EEFSEC: variants seen among roughly 807,000 people sequenced by gnomAD.
EEFSEC encodes the protein eukaryotic elongation factor, selenocysteine-tRNA specific, also known as selenocysteine-specific elongation factor.
Under a neutral mutation model 42.1 loss-of-function variants are expected in EEFSEC, and 43 were observed. The observed-to-expected ratio is 1.02, with a 90% CI of 0.80 to 1.32. EEFSEC has a LOEUF of 1.32. Among genes scored for constraint, EEFSEC ranks in the 40% most tolerant of loss-of-function variants. The pLI, the probability that EEFSEC is intolerant of heterozygous loss-of-function variation, is 0.00. For synonymous variants in EEFSEC, 354 were observed against 339.1 expected, an observed-to-expected ratio of 1.04 and a Z score of -0.48; for missense variants, 745 against 803.6, an observed-to-expected ratio of 0.93 and a Z score of 0.88.
chr3:128,189,039 G>T (rs1340991219), intron 1 of EEFSEC, among the ~76,000 whole-genome samples: 1 of 152,134 alleles, frequency 6.6e-6, no homozygotes, highest in Admixed American at 6.5e-5. Context: ...TACATGGGGG[G>T]GGCTCCCAAA....
chr3:128,420,907 G>A, the EEFSEC span, among the ~76,000 whole-genome samples: 1 of 152,134 alleles, frequency 6.6e-6, no homozygotes, highest in Admixed American at 6.5e-5. Flanking sequence ...TTCCAGAAGC[G>A]GCGGCCCTTG....
In EEFSEC at chr3:128,392,727, C is replaced by A. The variant is rs193202749; in HGVS notation, c.1601-15342C>A. The stretch of plus-strand genomic sequence containing the variant: ...CTGTGCACAACCACTCCCGCCTCAC[C>A]CCTGAGCCTACTTGTGCCCACCTGA... On this transcript the variant is annotated intron_variant, in intron 6 of 6. Transcript: ENST00000254730. 3.0e-3 allele frequency among the ~76,000 whole-genome samples: 461 copies of A among 152,354 alleles called. 3 individuals are homozygous for A. The highest frequency in any genetic ancestry group is 2.0e-3 in the Non-Finnish European group (133 of 68,038).
chr3:128,311,495 G>T (rs141074371), intron 4 of EEFSEC, among the ~76,000 whole-genome samples: 1 of 152,366 alleles, frequency 6.6e-6, no homozygotes, highest in Non-Finnish European at 1.5e-5. Context: ...AGCCTGCATG[G>T]TCCCGTGACC....
intron 1 of EEFSEC, among the ~76,000 whole-genome samples, chr3:128,211,370 C>T (rs993295269): frequency 6.6e-6 from 1 of 152,122 alleles, no homozygotes; most frequent in Non-Finnish European, 1.5e-5. Context: ...CCTCCCAACT[C>T]AGCCTCTTGA....
At chr3:128,411,095 T>G (rs1208667876), downstream of EEFSEC, among the ~76,000 whole-genome samples, 1 of 152,094 alleles carries the variant, frequency 6.6e-6, no homozygotes, top group Non-Finnish European at 1.5e-5. Flanking sequence ...GAGCGTCCAT[T>G]AGTGGGGTCG....
the EEFSEC span, among the ~76,000 whole-genome samples, chr3:128,425,310 G>A: frequency 6.6e-6 from 1 of 152,178 alleles, no homozygotes; most frequent in Admixed American, 6.5e-5. Flanking sequence ...CCTGGCCTTG[G>A]GATTCATGCT....
At chr3:128,326,191 G>A (rs934998895) in intron 4 of EEFSEC, among the ~76,000 whole-genome samples, 4 of 152,226 alleles carry the variant, frequency 2.6e-5, no homozygotes, top group Admixed American at 6.5e-5. Context: ...GGGCTGGTGC[G>A]CTCAAGTTTA....
At chr3:128,299,878 G>A (rs1371325367) in intron 4 of EEFSEC, among the ~76,000 whole-genome samples, 8 of 152,230 alleles carry the variant, frequency 5.3e-5, no homozygotes, top group African/African-American at 1.9e-4. Flanking sequence ...AATGTCAGGA[G>A]CACCTCGTGC....
At chr3:128,235,756 T>A (rs1024414197) in intron 1 of EEFSEC, among the ~76,000 whole-genome samples, 2 of 152,242 alleles carry the variant, frequency 1.3e-5, no homozygotes, top group African/African-American at 4.8e-5. Flanking sequence ...GCAGTCAGGC[T>A]GGTTCTGACC....
intron 4 of EEFSEC, among the ~76,000 whole-genome samples, chr3:128,299,937 T>C (rs948591559): frequency 6.6e-6 from 1 of 152,198 alleles, no homozygotes; most frequent in Non-Finnish European, 1.5e-5. Context: ...TGTGTCCTGA[T>C]TGTGGCCCTG....
chr3:128,405,548 G>T (rs762668798), intron 6 of EEFSEC, among the ~76,000 whole-genome samples: 8 of 152,248 alleles, frequency 5.3e-5, no homozygotes, highest in Non-Finnish European at 8.8e-5. Context: ...GTATAAAGAA[G>T]GGGTGGCCAA....
intron 1 of EEFSEC, among the ~76,000 whole-genome samples, chr3:128,183,754 G>T (rs2065435995): frequency 6.6e-6 from 1 of 152,150 alleles, no homozygotes; most frequent in South Asian, 2.1e-4. Context: ...CCTCATTTGG[G>T]TCATTCATAG....
intron 6 of EEFSEC, among the ~76,000 whole-genome samples, chr3:128,401,626 G>A (rs532132557): frequency 6.6e-6 from 1 of 152,320 alleles, no homozygotes; most frequent in East Asian, 1.9e-4. Flanking sequence ...GCGTCAGAGA[G>A]GGAGGAGGGG....
At chr3:128,337,731 G>T (rs1232876543) in intron 4 of EEFSEC, among the ~76,000 whole-genome samples, 2 of 152,212 alleles carry the variant, frequency 1.3e-5, no homozygotes, top group African/African-American at 4.8e-5. Context: ...TCCTTGTCTC[G>T]GGATTTAGAA....
Position 128,406,855 on chromosome 3 carries a change from T to C in EEFSEC, c.1601-1214T>C, listed in dbSNP as rs571298207. 3.3e-5 allele frequency among the ~76,000 whole-genome samples: 5 copies of C among 151,006 alleles called. No individual in the cohort carries two copies. In the East Asian group the frequency reaches 7.8e-4, roughly 23 times the overall value. On this transcript the variant is annotated intron_variant, in intron 6 of 6. Coordinates refer to ENST00000254730, the MANE Select transcript of EEFSEC (RefSeq NM_021937.5). Reference sequence around the variant, plus strand: ...ACACACAAATATATATATATACACATATATATACATATATATACATACATA... The same window carrying C: ...ACACACAAATATATATATATACACACATATATACATATATATACATACATA...
chr3:128,324,029 G>A (rs1332788614), intron 4 of EEFSEC, among the ~76,000 whole-genome samples: 1 of 152,182 alleles, frequency 6.6e-6, no homozygotes, highest in Non-Finnish European at 1.5e-5. Context: ...TGGGGAAGGA[G>A]GCACGTGTAG....
At chr3:128,249,001 A>G (rs779721940) in intron 2 of EEFSEC, among the ~76,000 whole-genome samples, 3 of 152,214 alleles carry the variant, frequency 2.0e-5, no homozygotes, top group Non-Finnish European at 2.9e-5. Flanking sequence ...AGGGGTTGTA[A>G]TCAGTGGGCA....
At chr3:128,357,269 G>A (rs1044086564) in intron 5 of EEFSEC, among the ~76,000 whole-genome samples, 10 of 152,370 alleles carry the variant, frequency 6.6e-5, no homozygotes, top group Non-Finnish European at 1.5e-4. Context: ...ACTTCCAGTC[G>A]CTGATCAAGC....
intron 2 of EEFSEC, among the ~76,000 whole-genome samples, chr3:128,259,464 C>A (rs987617266): frequency 1.3e-5 from 2 of 152,078 alleles, no homozygotes; most frequent in Non-Finnish European, 2.9e-5. Context: ...TCTTAGATGT[C>A]CATTGTGGTA....
Sources: allele counts gnomAD v4.1 joint callset (sites outside exome capture counted in the v4.1 genomes callset), GRCh38; gene constraint gnomAD v4.1.1; transcripts MANE v1.5; gene names NCBI Gene and HGNC (gene_info 2026-07-23, HGNC 2026-07-21).